The following GALNT2 variants were observed in gnomAD, a reference collection of about 807,000 sequenced individuals.
The protein encoded by GALNT2 is UDP-GalNAc:polypeptide N-acetylgalactosaminyltransferase 2.
GALNT2 carries 31 observed loss-of-function variants against 81.4 expected under a neutral mutation model. The observed-to-expected ratio is 0.38, with a 90% confidence interval of 0.29 to 0.51. The LOEUF (loss-of-function observed/expected upper bound fraction) is 0.51. Ranked by LOEUF, GALNT2 falls within the 20% of genes least tolerant of loss-of-function variation. The pLI is 0.87. For missense variants in GALNT2, 629 were observed against 765.7 expected (o/e 0.82, Z 2.11); for synonymous variants, 303 against 287.4 (o/e 1.05, Z -0.55).
intron 1 of GALNT2, among the ~76,000 whole-genome samples, chr1:230,135,358 C>G (rs1661503296): frequency 6.6e-6 from 1 of 152,172 alleles, no homozygotes; most frequent in East Asian, 1.9e-4. Context: ...CTTTGTAATT[C>G]TACTTTGCGA....
At chr1:230,138,248 A>T (rs541507858) in intron 1 of GALNT2, among the ~76,000 whole-genome samples, 2 of 152,204 alleles carry the variant, frequency 1.3e-5, no homozygotes, top group Admixed American at 6.5e-5. Flanking sequence ...AGGGCCAGGC[A>T]TGGTGGCTCA....
At chr1:230,105,669 G>A (rs1055703071) in intron 1 of GALNT2, among the ~76,000 whole-genome samples, 4 of 152,208 alleles carry the variant, frequency 2.6e-5, no homozygotes, top group African/African-American at 9.7e-5. Flanking sequence ...ATTCGAAAGT[G>A]AGGGCGTCTG....
chr1:230,115,373 C>T lies in GALNT2; in HGVS notation c.126+47967C>T, dbSNP rs560518281. On this transcript the variant is annotated intron_variant, in intron 1 of 15. Transcript: ENST00000366672. ...AATTGTGGGTTTGATTTCAGGCCATCACATAAAGCAAATACGGCAGTAAAG... is the reference window on the plus strand; with the variant it reads ...AATTGTGGGTTTGATTTCAGGCCATTACATAAAGCAAATACGGCAGTAAAG... 4.6e-5 allele frequency among the ~76,000 whole-genome samples: 7 copies of T among 152,240 alleles called. No individual in the cohort carries two copies. The South Asian group carries it at 1.2e-3, about 27-fold the overall frequency.
chr1:230,181,467 C>G (rs1663159152), intron 2 of GALNT2, among the ~76,000 whole-genome samples: 1 of 151,960 alleles, frequency 6.6e-6, no homozygotes, highest in Non-Finnish European at 1.5e-5. Flanking sequence ...GTATAATTCT[C>G]TTTATACATT....
At chr1:230,108,388 A>G (rs139738096) in intron 1 of GALNT2, among the ~76,000 whole-genome samples, 7 of 152,342 alleles carry the variant, frequency 4.6e-5, no homozygotes, top group Middle Eastern at 3.4e-3. Flanking sequence ...CAATGAAGCT[A>G]TGTCCCGATA....
chr1:230,153,201 C>G (rs976470229), intron 1 of GALNT2, among the ~76,000 whole-genome samples: 18 of 152,280 alleles, frequency 1.2e-4, no homozygotes, highest in African/African-American at 4.3e-4. Flanking sequence ...GTAGCTGAGA[C>G]TATAGGCCTG....
At chr1:230,121,439 T>G (rs1188791483) in intron 1 of GALNT2, among the ~76,000 whole-genome samples, 1 of 152,232 alleles carries the variant, frequency 6.6e-6, no homozygotes, top group African/African-American at 2.4e-5. Context: ...TTCCCTTCTC[T>G]TTTTGTTTCT....
chr1:230,162,525 C>T (rs1662466880), intron 1 of GALNT2, among the ~76,000 whole-genome samples: 1 of 152,118 alleles, frequency 6.6e-6, no homozygotes, highest in African/African-American at 2.4e-5. Flanking sequence ...CCAAGGCTGC[C>T]CTTAGAAGCT....
intron 1 of GALNT2, among the ~76,000 whole-genome samples, chr1:230,080,152 G>A (rs893975175): frequency 2.6e-5 from 4 of 152,142 alleles, no homozygotes; most frequent in African/African-American, 9.7e-5. Context: ...CATTTTCCTT[G>A]TACTGGCCCT....
chr1:230,107,610 T>TTGTG (rs3033608), intron 1 of GALNT2, among the ~76,000 whole-genome samples: 2,049 of 141,180 alleles, frequency 0.015, 40 homozygotes, highest in African/African-American at 0.042. Context: ...CTCATGGACT[T>TTGTG]TGTGTGTGTG....
At chr1:230,269,114 A>G (rs1453840651) in intron 14 of GALNT2, among the ~76,000 whole-genome samples, 2 of 150,074 alleles carry the variant, frequency 1.3e-5, no homozygotes, top group East Asian at 2.0e-4. Flanking sequence ...CAATGGCCAC[A>G]TCCTGGGATT....
intron 1 of GALNT2, among the ~76,000 whole-genome samples, chr1:230,071,196 T>C (rs760055206): frequency 4.6e-5 from 7 of 152,190 alleles, no homozygotes; most frequent in Non-Finnish European, 7.4e-5. Context: ...TGGAAAATAG[T>C]CGTCTTTCTT....
rs1182743513 is a variant in GALNT2 at position 230,275,694 on chromosome 1, C to A, written c.1560+1130C>A. 6.0e-5 allele frequency among the ~76,000 whole-genome samples: 6 copies of A among 99,880 alleles called. No individual in the cohort carries two copies. The East Asian group carries it at 2.0e-3, about 34-fold the overall frequency. 65.5% of individuals were successfully genotyped at this position (99,880 alleles called of 152,430 possible). On this transcript the variant is annotated intron_variant, in intron 15 of 15. Transcript: ENST00000366672. This position sits in a 1 kb window ranked among gnomAD's most constrained non-coding sequence, Gnocchi z 5.5. Reference sequence around the variant, plus strand: ...GCCACATGTATACATATGTAAACACCACATATATATACACACCACATATAC... The same window carrying A: ...GCCACATGTATACATATGTAAACACAACATATATATACACACCACATATAC...
chr1:230,151,643 C>T (rs1465343494), intron 1 of GALNT2, among the ~76,000 whole-genome samples: 1 of 152,188 alleles, frequency 6.6e-6, no homozygotes, highest in Non-Finnish European at 1.5e-5. Flanking sequence ...GAAAGCAGAG[C>T]TCCTCAGTTC....
intron 11 of GALNT2, among the ~76,000 whole-genome samples, chr1:230,261,528 G>A (rs1440652464): frequency 6.6e-6 from 1 of 152,216 alleles, no homozygotes; most frequent in Non-Finnish European, 1.5e-5. Context: ...TGGGAGCAAA[G>A]AGGTTAGCTG....
At chr1:230,250,342 C>CT in intron 9 of GALNT2, 115 bp from the exon 10 acceptor site, 1 of 751,024 alleles carries the variant, frequency 1.3e-6, no homozygotes, top group Non-Finnish European at 2.4e-6. Flanking sequence ...TGTGGCTGTT[C>CT]TGAAGATCAG....
At chr1:230,195,997 T>C (rs1351154567) in intron 2 of GALNT2, among the ~76,000 whole-genome samples, 1 of 152,196 alleles carries the variant, frequency 6.6e-6, no homozygotes, top group Non-Finnish European at 1.5e-5. Context: ...CTCCTCACTT[T>C]CGTCTCCTGT....
At chr1:230,161,350 A>G (rs1293788510) in intron 1 of GALNT2, among the ~76,000 whole-genome samples, 2 of 152,194 alleles carry the variant, frequency 1.3e-5, no homozygotes, top group Admixed American at 1.3e-4. Context: ...CTAAGAGGGC[A>G]TGTCCAATGT....
intron 1 of GALNT2, among the ~76,000 whole-genome samples, chr1:230,120,407 C>A (rs12087833): frequency 0.25 from 38,601 of 151,968 alleles, 5,269 homozygotes; most frequent in East Asian, 0.4. Flanking sequence ...GGGCTCTTCC[C>A]GAGAAGAGGG....
Sources: gnomAD v4.1 joint callset for allele counts (sites outside exome capture counted in the v4.1 genomes callset) on GRCh38, gnomAD v4.1.1 for gene constraint, Gnocchi (gnomAD v3.1) non-coding constraint, MANE v1.5 for transcripts, NCBI Gene and HGNC (gene_info 2026-07-23, HGNC 2026-07-21) for gene names.